Variants in KCNG2 observed in about 807,000 individuals in gnomAD.
The protein encoded by KCNG2 is potassium voltage-gated channel modifier subfamily G member 2.
Under a neutral mutation model 12.3 loss-of-function variants are expected in KCNG2, and 7 were observed. That is an observed-to-expected ratio of 0.57 (90% CI 0.32 to 1.07). The LOEUF (loss-of-function observed/expected upper bound fraction) is 1.07, where lower values mean the gene tolerates loss of function less well. KCNG2 is among the 50% of genes least tolerant of loss of function. The pLI is 0.04. For missense variants in KCNG2, 703 were observed against 726.0 expected (o/e 0.97, Z 0.36); for synonymous variants, 414 against 351.4 (o/e 1.18, Z -1.99).
Position 79,876,510 on chromosome 18 carries a change from C to T in KCNG2, c.624+12219C>T, listed in dbSNP as rs991554120. On this transcript the variant is annotated intron_variant, in intron 3 of 3. Coordinates refer to ENST00000316249, the MANE Select transcript of KCNG2 (RefSeq NM_012283.2). ...AGGACAGGGGCTGCAGGTGCTGAGC[C>T]GTTGTTCGACCCAGTTGAATTCTAA... Among the ~76,000 whole-genome samples the T allele has an allele frequency of 6.6e-5, 10 of 152,340 alleles. No homozygotes were observed. In the South Asian group the frequency reaches 1.9e-3, roughly 28 times the overall value.
At chr18:79,873,240 G>C (rs1979922921) in intron 3 of KCNG2, among the ~76,000 whole-genome samples, 1 of 152,236 alleles carries the variant, frequency 6.6e-6, no homozygotes, top group Non-Finnish European at 1.5e-5. Flanking sequence ...CCTCCTGTCC[G>C]TATCACTTGG....
intron 1 of KCNG2, among the ~76,000 whole-genome samples, chr18:79,848,635 G>T (rs1019362696): frequency 1.3e-5 from 2 of 152,244 alleles, no homozygotes; most frequent in Non-Finnish European, 2.9e-5. Context: ...TTCCGGGGAC[G>T]CAGTGGAACC....
chr18:79,885,874 G>A (rs1473074030), intron 3 of KCNG2, among the ~76,000 whole-genome samples: 7 of 47,918 alleles, frequency 1.5e-4, no homozygotes, highest in African/African-American at 3.7e-4. Flanking sequence ...ACATAGGGAC[G>A]TGGGGACGGG....
intron 1 of KCNG2, among the ~76,000 whole-genome samples, chr18:79,804,957 C>T (rs1420505064): frequency 6.6e-6 from 1 of 152,208 alleles, no homozygotes; most frequent in East Asian, 1.9e-4. Context: ...CACACACGCA[C>T]ACACACATAC....
rs2087400983 is a variant in KCNG2, at chr18:79,800,568, C to T, written c.-115+2554C>T. On this transcript the variant is annotated intron_variant, in intron 1 of 3. Coordinates refer to ENST00000316249, the MANE Select transcript of KCNG2 (RefSeq NM_012283.2). This position sits in a 1 kb window ranked among gnomAD's most constrained non-coding sequence, Gnocchi z 4.0. Reference sequence around the variant, plus strand: ...GAATCAGAGCCTGCCTCTGACGAGACATGTACCCCGCCTTCCCGTGTGGGA... The same window carrying T: ...GAATCAGAGCCTGCCTCTGACGAGATATGTACCCCGCCTTCCCGTGTGGGA... 6.6e-6 allele frequency among the ~76,000 whole-genome samples: 1 copy of T among 152,238 alleles called. No individual in the cohort carries two copies. The highest frequency in any genetic ancestry group is 1.5e-5 in the Non-Finnish European group (1 of 68,040).
intron 2 of KCNG2, among the ~76,000 whole-genome samples, chr18:79,863,424 C>CG (rs1378676175): frequency 1.3e-5 from 2 of 152,236 alleles, no homozygotes; most frequent in Non-Finnish European, 2.9e-5. Context: ...CACCACCTGG[C>CG]GGGGTCCGCT....
chr18:79,816,833 T>A (rs2087532201), intron 1 of KCNG2, among the ~76,000 whole-genome samples: 1 of 152,182 alleles, frequency 6.6e-6, no homozygotes, highest in South Asian at 2.1e-4. Flanking sequence ...ACACAACAGG[T>A]CACAAATCCA....
Position 79,828,508 on chromosome 18 carries a change from T to TGTA in KCNG2, c.-114-27869_-114-27868insAGT, listed in dbSNP as rs1491385522. ...GTGTGCATATGTGTCTACATGAGTCTGTGTAGTGTAACGTGTTTATGCATG... is the reference window on the plus strand; with the variant it reads ...GTGTGCATATGTGTCTACATGAGTCTGTAGTGTAGTGTAACGTGTTTATGCATG... On this transcript the variant is annotated intron_variant, in intron 1 of 3. Coordinates refer to ENST00000316249, the MANE Select transcript of KCNG2 (RefSeq NM_012283.2). Among the ~76,000 whole-genome samples, 107 of 24,470 alleles carry TGTA rather than the reference T, an allele frequency of 4.4e-3. 1 individual carries two copies. In the Non-Finnish European group the frequency reaches 0.076, roughly 17 times the overall value. The allele number at this position is 24,470 out of a possible 152,430, so 16.1% of individuals were successfully genotyped here. A position where few individuals can be genotyped will look rare whatever the true frequency, so the allele number is the denominator to read the frequency against.
chr18:79,830,558 G>A (rs1978292554), intron 1 of KCNG2, among the ~76,000 whole-genome samples: 1 of 152,272 alleles, frequency 6.6e-6, no homozygotes, highest in East Asian at 1.9e-4. Context: ...CAAAGGAAGG[G>A]CCTTTGGCCA....
chr18:79,851,961 TC>T (rs1978839977), intron 1 of KCNG2, among the ~76,000 whole-genome samples: 2 of 152,348 alleles, frequency 1.3e-5, no homozygotes, highest in South Asian at 4.1e-4. Context: ...GGATTTATTT[TC>T]GTTTTATAGA....
intron 1 of KCNG2, among the ~76,000 whole-genome samples, chr18:79,829,981 T>G (rs1172257397): frequency 6.6e-6 from 1 of 152,236 alleles, no homozygotes; most frequent in Non-Finnish European, 1.5e-5. Flanking sequence ...TGTGCTTTTG[T>G]GGAGGAGAGT....
At chr18:79,870,987 C>G (rs866457759) in intron 3 of KCNG2, among the ~76,000 whole-genome samples, 123 of 152,244 alleles carry the variant, frequency 8.1e-4, no homozygotes, top group African/African-American at 2.7e-3. Flanking sequence ...ACGCTGCAGT[C>G]AGCACACCTG....
chr18:79,871,639 G>C (rs1365827210), intron 3 of KCNG2, among the ~76,000 whole-genome samples: 1 of 152,174 alleles, frequency 6.6e-6, no homozygotes, highest in Non-Finnish European at 1.5e-5. Flanking sequence ...GGCCCCCCGC[G>C]TCTGGGAGGC....
chr18:79,865,470 GGGT>G (rs1979453707), intron 3 of KCNG2, among the ~76,000 whole-genome samples: 5 of 129,456 alleles, frequency 3.9e-5, no homozygotes, highest in South Asian at 2.9e-4. Context: ...TGAGAGGTCT[GGGT>G]ATGAGGTCTG....
rs2087577040 is a variant in KCNG2, at chr18:79,822,323, T to C, written c.-115+24309T>C. Among the ~76,000 whole-genome samples the C allele has an allele frequency of 6.6e-6, 1 of 152,188 alleles. No homozygotes were observed. Among genetic ancestry groups the C allele is most frequent in the Non-Finnish European group, 1.5e-5 (1 of 68,028 alleles). On this transcript the variant is annotated intron_variant, in intron 1 of 3. Coordinates refer to ENST00000316249, the MANE Select transcript of KCNG2 (RefSeq NM_012283.2). The surrounding 1 kb of genome is among the most constrained non-coding windows in gnomAD (Gnocchi z 4.4). ...AAAACCCCACTCAGATGTCACCGCG[T>C]TCTTCATACTAGAGCCACGGTTCTG...
chr18:79,898,364 C>G (rs1326200819), intron 3 of KCNG2, among the ~76,000 whole-genome samples: 1 of 152,188 alleles, frequency 6.6e-6, no homozygotes, highest in Non-Finnish European at 1.5e-5. Context: ...ATCACTGCAG[C>G]AAGGGCAGTC....
At chr18:79,833,404 G>A (rs982771484) in intron 1 of KCNG2, among the ~76,000 whole-genome samples, 6 of 152,286 alleles carry the variant, frequency 3.9e-5, no homozygotes, top group Non-Finnish European at 7.3e-5. Context: ...GCGTCCCAAC[G>A]TGCTGGGATT....
chr18:79,870,419 G>A (rs896078785), intron 3 of KCNG2, among the ~76,000 whole-genome samples: 2 of 152,112 alleles, frequency 1.3e-5, no homozygotes, highest in Non-Finnish European at 1.5e-5. Flanking sequence ...GCCTGGTGAC[G>A]CCCACCGTGA....
intron 3 of KCNG2, among the ~76,000 whole-genome samples, chr18:79,891,783 T>C (rs1342778393): frequency 2.0e-5 from 3 of 152,210 alleles, no homozygotes; most frequent in Non-Finnish European, 4.4e-5. Context: ...TTCTATGGCC[T>C]GGTATATGTC....
Sources: allele counts gnomAD v4.1 joint callset (sites outside exome capture counted in the v4.1 genomes callset), GRCh38; gene constraint gnomAD v4.1.1; non-coding constraint Gnocchi (gnomAD v3.1); transcripts MANE v1.5; gene names NCBI Gene and HGNC (gene_info 2026-07-23, HGNC 2026-07-21).